The following ASB1 variants were observed in gnomAD, a reference collection of about 807,000 sequenced individuals.
ASB1 encodes ankyrin repeat and SOCS box containing 1.
Under a neutral mutation model 27.7 loss-of-function variants are expected in ASB1, and 18 were observed. That is an observed-to-expected ratio of 0.65 (90% CI 0.45 to 0.96). The LOEUF (loss-of-function observed/expected upper bound fraction) is 0.96, where lower values mean the gene tolerates loss of function less well. Among genes scored for constraint, ASB1 ranks in the 50% least tolerant of loss-of-function variants. The probability of loss-of-function intolerance (pLI) is 0.00; values close to 1 mark genes in which losing one functional copy is unlikely to be tolerated. For synonymous variants in ASB1, 189 were observed against 187.6 expected (o/e 1.01, Z -0.06); for missense variants, 397 against 451.7 (o/e 0.88, Z 1.10).
chr2:238,428,262 G>A (rs1701799776), intron 1 of ASB1, among the ~76,000 whole-genome samples: 1 of 152,184 alleles, frequency 6.6e-6, no homozygotes, highest in Admixed American at 6.5e-5. Context: ...GAGTTCCTGG[G>A]GAATAAACAC....
chr2:238,445,220 C>G (rs535552215), intron 4 of ASB1, among the ~76,000 whole-genome samples: 1 of 152,186 alleles, frequency 6.6e-6, no homozygotes, highest in South Asian at 2.1e-4. Flanking sequence ...CTCAAGTGAT[C>G]TGCCCGCCTC....
Position 238,444,404 on chromosome 2 carries a change from G to C in ASB1, c.557G>C (p.Arg186Pro). The C allele has an allele frequency of 6.2e-7, 1 of 1,613,542 alleles. No homozygotes were observed. Among genetic ancestry groups the C allele is most frequent in the Non-Finnish European group, 8.5e-7 (1 of 1,179,618 alleles). The change falls in exon 4 of 5, where the codon CGG becomes CCG. Residue 186 changes from arginine (R) to proline (P), a missense_variant. By Grantham distance (103) the Arg-to-Pro change is moderately radical. Transcript: ENST00000264607. ...LTPDVQPRFSRRLTSLVVCPL... is the reference protein window; with the variant it reads ...LTPDVQPRFSPRLTSLVVCPL... The stretch of plus-strand genomic sequence containing the variant: ...CCTGATGTCCAGCCTCGATTCTCCC[G>C]GCGGCTCACCTCCTTGGTGGTCTGC...
intron 1 of ASB1, 176 bp from the exon 2 acceptor site, chr2:238,433,378 C>T: frequency 2.9e-6 from 2 of 694,658 alleles, no homozygotes; most frequent in Non-Finnish European, 4.7e-6. Context: ...CTGCCTCAGC[C>T]TCCTGAGTAG....
rs80289904 is a variant in ASB1, at chr2:238,444,365, A to G, written c.518A>G (p.Asn173Ser). 9.3e-6 allele frequency: 15 copies of G among 1,609,478 alleles called. No homozygotes were observed. Among genetic ancestry groups the G allele is most frequent in the Admixed American group, 1.7e-5 (1 of 59,910 alleles). Residue 173 changes from asparagine to serine, a missense_variant, in exon 4 of 5, where the codon AAC becomes AGC. By Grantham distance (46) the Asn-to-Ser change is conservative (BLOSUM62 1). Transcript: ENST00000264607. Reference protein sequence around the residue: ...LIRYGADVDVNHHLTPDVQPR... With the variant: ...LIRYGADVDVSHHLTPDVQPR... The stretch of plus-strand genomic sequence containing the variant: ...AGGTACGGGGCTGATGTTGACGTCA[A>G]CCACCACCTGACTCCTGATGTCCAG...
chr2:238,428,068 C>T (rs1005336585), intron 1 of ASB1, among the ~76,000 whole-genome samples: 8 of 152,212 alleles, frequency 5.3e-5, no homozygotes, highest in African/African-American at 1.2e-4. Context: ...GCAGAGGATA[C>T]TGCAGTGACC....
Position 238,451,007 on chromosome 2 carries a change from C to T in ASB1, c.*4496C>T, listed in dbSNP as rs1702272330. 1.5e-5 allele frequency: 1 copy of T among 67,340 alleles called. No individual in the cohort carries two copies. Among genetic ancestry groups the T allele is most frequent in the African/African-American group, 3.8e-5 (1 of 26,190 alleles). The allele number at this position is 67,340 out of a possible 1,614,324, so 4.2% of individuals were successfully genotyped here. On this transcript the variant is annotated 3_prime_UTR_variant, in exon 5 of 5. Transcript: ENST00000264607. Reference sequence around the variant, plus strand: ...CACTCCCCTCCTCCCGCTCCAAACCCGAACCTCTCAGTGTGGAATGAACGC... The same window carrying T: ...CACTCCCCTCCTCCCGCTCCAAACCTGAACCTCTCAGTGTGGAATGAACGC...
intron 3 of ASB1, among the ~76,000 whole-genome samples, chr2:238,443,552 G>A (rs1029812327): frequency 2.2e-4 from 34 of 152,240 alleles, no homozygotes; most frequent in Middle Eastern, 6.8e-3. Flanking sequence ...TGTTCAACAG[G>A]AGGCTGGAAA....
chr2:238,441,621 TCGGAGGCTG>T (rs1702079470), intron 3 of ASB1, among the ~76,000 whole-genome samples: 1 of 152,166 alleles, frequency 6.6e-6, no homozygotes, highest in Non-Finnish European at 1.5e-5. Flanking sequence ...CTTCCTGTGC[TCGGAGGCTG>T]CTCCGGAGCA....
intron 3 of ASB1, among the ~76,000 whole-genome samples, chr2:238,439,747 C>CT (rs1395702218): frequency 2.0e-5 from 3 of 152,164 alleles, no homozygotes; most frequent in Non-Finnish European, 4.4e-5. Flanking sequence ...GCATTCCCCT[C>CT]TTATCAGGCT....
Position 238,435,898 on chromosome 2 carries a change from A to T in ASB1, c.379A>T (p.Thr127Ser). 6.2e-7 allele frequency: 1 copy of T among 1,614,148 alleles called. No individual in the cohort carries two copies. Among genetic ancestry groups the T allele is most frequent in the Non-Finnish European group, 8.5e-7 (1 of 1,180,026 alleles). Residue 127 changes from threonine to serine, a missense_variant, in exon 3 of 5, where the codon ACC becomes TCC. Coordinates refer to ENST00000264607, the MANE Select transcript of ASB1 (RefSeq NM_001040445.3). Reference protein sequence around the residue: ...VAVVNGHLESTQILLEAGADP... With the variant: ...VAVVNGHLESSQILLEAGADP... Reference sequence around the variant, plus strand: ...TGTGGTGAACGGGCACCTAGAGAGTACCCAGATCCTTCTCGAAGCTGGCGC... The same window carrying T: ...TGTGGTGAACGGGCACCTAGAGAGTTCCCAGATCCTTCTCGAAGCTGGCGC...
chr2:238,448,184 TG>T lies in ASB1; in HGVS notation c.*1677del. 1 of 152,308 alleles carries T rather than the reference TG, an allele frequency of 6.6e-6. No individual in the cohort carries two copies. The highest frequency in any genetic ancestry group is 1.5e-5 in the Non-Finnish European group (1 of 68,162). The allele number at this position is 152,308 out of a possible 1,614,324, so 9.4% of individuals were successfully genotyped here. ...AGAGGAACCGCAGGTGGTGAGCGGC[TG>T]GGGAGGGCCAGGACAGCCGGGGCTG... On this transcript the variant is annotated 3_prime_UTR_variant, in exon 5 of 5. Transcript: ENST00000264607.
intron 4 of ASB1, among the ~76,000 whole-genome samples, chr2:238,444,979 C>CTT (rs34563680): frequency 0.031 from 3,612 of 117,738 alleles, 106 homozygotes; most frequent in African/African-American, 0.039. Context: ...CTCGCGCTCT[C>CTT]TTTTTTTTTT....
chr2:238,426,942 C>A lies in ASB1; in HGVS notation c.-129C>A. On this transcript the variant is annotated 5_prime_UTR_variant, in exon 1 of 5. Coordinates refer to ENST00000264607, the MANE Select transcript of ASB1 (RefSeq NM_001040445.3). ...CCCGGAAACCAGTGAGGCCGGCGCG[C>A]GCCCGCCGGAAGCCGCGACCCCGAC... 2 of 662,412 alleles carry A rather than the reference C, an allele frequency of 3.0e-6. No individual in the cohort carries two copies. The highest frequency in any genetic ancestry group is 4.2e-6 in the Non-Finnish European group (2 of 473,806). The allele number at this position is 662,412 out of a possible 1,614,324, so 41.0% of individuals were successfully genotyped here.
Position 238,443,741 on chromosome 2 carries a change from CT to C in ASB1, c.495-588del, listed in dbSNP as rs61693685. Among the ~76,000 whole-genome samples, 129 of 145,786 alleles carry C rather than the reference CT, an allele frequency of 8.8e-4. 3 individuals carry two copies. The highest frequency in any genetic ancestry group is 2.8e-3 in the Admixed American group (41 of 14,648). ...CTCTTGAGTTTTGTCATATGCCCAC[CT>C]TTTTTTTTTTTTCTGCATCTGCAGA... On this transcript the variant is annotated intron_variant, in intron 3 of 4. Transcript: ENST00000264607.
At chr2:238,445,805 A>G (rs1445084416) in intron 4 of ASB1, among the ~76,000 whole-genome samples, 1 of 152,224 alleles carries the variant, frequency 6.6e-6, no homozygotes, top group Non-Finnish European at 1.5e-5. Context: ...CTTCCCACAA[A>G]TAGTTAATGA....
rs770540674 is a variant in ASB1 at position 238,444,515 on chromosome 2, A to G, written c.668A>G (p.Asn223Ser). Residue 223 changes from asparagine (N) to serine (S), a missense_variant, in exon 4 of 5, where the codon AAT (asparagine) becomes AGT (serine). By Grantham distance (46) the Asn-to-Ser change is conservative. Coordinates refer to ENST00000264607, the MANE Select transcript of ASB1 (RefSeq NM_001040445.3). ...GGCGCGAACCCTGACTTCAACTGCA[A>G]TGGTCCTGTCAACACACAGGGATTC... ...LAGANPDFNCNGPVNTQGFYR... is the reference protein window; with the variant it reads ...LAGANPDFNCSGPVNTQGFYR... 9 of 1,614,188 alleles carry G rather than the reference A, an allele frequency of 5.6e-6. No homozygotes were observed. The South Asian group carries it at 8.8e-5, about 16-fold the overall frequency.
chr2:238,429,862 C>G (rs371634950), intron 1 of ASB1, among the ~76,000 whole-genome samples: 2 of 149,874 alleles, frequency 1.3e-5, no homozygotes, highest in African/African-American at 2.5e-5. Context: ...GGCGTGAACC[C>G]GGGAGGCGGA....
Position 238,448,158 on chromosome 2 carries a change from G to A in ASB1, c.*1647G>A, listed in dbSNP as rs576735379. Reference sequence around the variant, plus strand: ...AGCCAGGAGGGTCTTCCCAAGATAGGAGAGGAACCGCAGGTGGTGAGCGGC... The same window carrying A: ...AGCCAGGAGGGTCTTCCCAAGATAGAAGAGGAACCGCAGGTGGTGAGCGGC... On this transcript the variant is annotated 3_prime_UTR_variant, in exon 5 of 5. Coordinates refer to ENST00000264607, the MANE Select transcript of ASB1 (RefSeq NM_001040445.3). 6.6e-6 allele frequency: 1 copy of A among 152,442 alleles called. No individual in the cohort carries two copies. Among genetic ancestry groups the A allele is most frequent in the Admixed American group, 6.5e-5 (1 of 15,280 alleles). The allele number at this position is 152,442 out of a possible 1,614,324, so 9.4% of individuals were successfully genotyped here.
chr2:238,428,838 G>A (rs1701812855), intron 1 of ASB1, among the ~76,000 whole-genome samples: 1 of 152,208 alleles, frequency 6.6e-6, no homozygotes, highest in Non-Finnish European at 1.5e-5. Context: ...GGCCAGCAGA[G>A]GGGGCCCAGA....
Sources: gnomAD v4.1 joint callset for allele counts (sites outside exome capture counted in the v4.1 genomes callset) on GRCh38, gnomAD v4.1.1 for gene constraint, MANE v1.5 for transcripts, NCBI Gene and HGNC (gene_info 2026-07-23, HGNC 2026-07-21) for gene names.